The following ZMYM6 variants were observed in gnomAD, a reference collection of about 807,000 sequenced individuals.
The protein encoded by ZMYM6 is zinc finger MYM-type containing 6.
Under a neutral mutation model 134.0 loss-of-function variants are expected in ZMYM6, and 90 were observed. The observed-to-expected ratio is 0.67, with a 90% CI of 0.57 to 0.80. ZMYM6 has a LOEUF of 0.80. Ranked by LOEUF, ZMYM6 falls within the 30% of genes least tolerant of loss-of-function variation. ZMYM6 has a pLI of 0.00. For synonymous variants in ZMYM6, 481 were observed against 524.1 expected, an observed-to-expected ratio of 0.92 and a Z score of 1.12; for missense variants, 1,362 against 1,533.9, an observed-to-expected ratio of 0.89 and a Z score of 1.87.
chr1:35,019,676 CTCT>C, intron 3 of ZMYM6, 74 bp from the exon 4 acceptor site: 1 of 1,454,552 alleles, frequency 6.9e-7, no homozygotes, highest in Non-Finnish European at 9.1e-7. Context: ...CTCTCTCTCT[CTCT>C]TTTTTCTTTT....
intron 14 of ZMYM6, among the ~76,000 whole-genome samples, chr1:34,993,616 G>A (rs1640724147): frequency 6.6e-6 from 1 of 152,060 alleles, no homozygotes. Flanking sequence ...CAGATTCTGT[G>A]GACAAGGACA....
chr1:34,994,206 A>C (rs192755066), intron 14 of ZMYM6, among the ~76,000 whole-genome samples: 1 of 152,212 alleles, frequency 6.6e-6, no homozygotes, highest in Non-Finnish European at 1.5e-5. Context: ...TGAGCCTTAC[A>C]TTCTAGAGGA....
At chr1:35,000,753 T>C (rs1348821428) in intron 14 of ZMYM6, among the ~76,000 whole-genome samples, 1 of 152,174 alleles carries the variant, frequency 6.6e-6, no homozygotes, top group African/African-American at 2.4e-5. Context: ...AAAGAACACA[T>C]GCTAAACTCA....
intron 2 of ZMYM6, among the ~76,000 whole-genome samples, chr1:35,028,402 C>T (rs1201877804): frequency 1.3e-5 from 2 of 152,008 alleles, no homozygotes; most frequent in African/African-American, 4.8e-5. Context: ...AATTGCTTTG[C>T]TGATACAATA....
Position 34,988,895 on chromosome 1 carries a change from A to G in ZMYM6, c.2187T>C (p.Asp729=). 1 of 1,612,608 alleles carries G rather than the reference A, an allele frequency of 6.2e-7. No homozygotes were observed. Among genetic ancestry groups the G allele is most frequent in the South Asian group, 1.1e-5 (1 of 90,372 alleles). ...ATCTTTTTTTCTTTGAAGGTGGAGA[A>G]TCAAGTTCTGCATCATTTTTTTCAT... ...MPNEKNDAEL[D]SPPSKKKRLG... is the part of the protein sequence containing the mutation. The change falls in exon 16 of 16, where the codon GAT becomes GAC. Residue 729 remains aspartate, a synonymous_variant. Transcript: ENST00000357182.
In ZMYM6 at chr1:34,987,436, T is replaced by A. The variant is rs1640595260; in HGVS notation, c.3646A>T (p.Ile1216Phe). The A allele has an allele frequency of 2.5e-6, 4 of 1,613,976 alleles. No homozygotes were observed. The highest frequency in any genetic ancestry group is 3.4e-6 in the Non-Finnish European group (4 of 1,179,970). The change falls in exon 16 of 16, where the codon ATT becomes TTT. Residue 1216 changes from isoleucine to phenylalanine, a missense_variant. By Grantham distance (21) the Ile-to-Phe change is conservative (BLOSUM62 0). Around this residue, in one of 3 missense-constraint regions of ZMYM6, gnomAD observed 824 missense variants for 940.9 expected, o/e 0.88. Transcript: ENST00000357182. ...QDLRSGNLWI[I>F]HPFMNHQNNN... The stretch of plus-strand genomic sequence containing the variant: ...TTTTGGTGATTCATAAAAGGGTGAA[T>A]TATCCACAAATTTCCTGAACGCAAG...
chr1:34,987,096 G>T lies in ZMYM6; in HGVS notation c.*8C>A. On this transcript the variant is annotated 3_prime_UTR_variant, in exon 16 of 16. Transcript: ENST00000357182. ...TATTGACTTCACTGTTAAGCAATGT[G>T]CATATTGCTACTCTTTCTCCTTCAC... 1 of 1,525,806 alleles carries T rather than the reference G, an allele frequency of 6.6e-7. No individual in the cohort carries two copies. Among genetic ancestry groups the T allele is most frequent in the Non-Finnish European group, 8.8e-7 (1 of 1,136,250 alleles). 94.5% of individuals were successfully genotyped at this position (1,525,806 alleles called of 1,614,324 possible). A position where few individuals can be genotyped will look rare whatever the true frequency, so the allele number is the denominator to read the frequency against.
intron 2 of ZMYM6, among the ~76,000 whole-genome samples, chr1:35,023,653 C>T (rs1641352036): frequency 6.7e-6 from 1 of 148,418 alleles, no homozygotes; most frequent in South Asian, 2.1e-4. Context: ...GACAGAATCT[C>T]GCTCTGTCAC....
chr1:34,992,961 T>C (rs1230834135), intron 14 of ZMYM6, among the ~76,000 whole-genome samples: 1 of 149,304 alleles, frequency 6.7e-6, no homozygotes, highest in East Asian at 1.9e-4. Flanking sequence ...TCTTGCTGAT[T>C]AGGACAACTG....
chr1:34,988,740 T>C lies in ZMYM6; in HGVS notation c.2342A>G (p.Lys781Arg), dbSNP rs1490384942. The C allele has an allele frequency of 8.4e-6, 13 of 1,551,428 alleles. No individual in the cohort carries two copies. Among genetic ancestry groups the C allele is most frequent in the African/African-American group, 1.4e-5 (1 of 73,054 alleles). The change falls in exon 16 of 16, where the codon AAG becomes AGG. Residue 781 changes from lysine to arginine, a missense_variant. Transcript: ENST00000357182. ...CGEILSSENMKPANLSHHLKT... is the reference protein window; with the variant it reads ...CGEILSSENMRPANLSHHLKT... ...CAAATGATGAGAAAGATTTGCTGGC[T>C]TCATGTTTTCACTGGATAAGATCTC...
At chr1:35,027,015 AAGAG>A (rs954613039) in intron 2 of ZMYM6, among the ~76,000 whole-genome samples, 8 of 152,328 alleles carry the variant, frequency 5.3e-5, no homozygotes, top group African/African-American at 7.2e-5. Context: ...AATTAAAAAA[AAGAG>A]AGAGAGAACA....
chr1:34,995,123 A>C (rs949169882), intron 14 of ZMYM6, among the ~76,000 whole-genome samples: 1 of 142,946 alleles, frequency 7.0e-6, no homozygotes, highest in South Asian at 2.1e-4. Context: ...ATATGTATAC[A>C]TATACATATA....
Position 35,014,990 on chromosome 1 carries a change from C to A in ZMYM6, c.601G>T (p.Asp201Tyr), listed in dbSNP as rs761003098. ...TKCSMCQKNA[D>Y]TRFEVKYQNV... ...AATAAAAGTAAAATGTAACTTACAT[C>A]AGCATTCTTCTGACACATACTGCAC... Residue 201 changes from aspartate (D) to tyrosine (Y), a missense_variant and splice_region_variant, in exon 5 of 16, where the codon GAT becomes TAT. Around this residue, in one of 3 missense-constraint regions of ZMYM6, gnomAD observed 503 missense variants for 520.8 expected, o/e 0.97. Coordinates refer to ENST00000357182, the MANE Select transcript of ZMYM6 (RefSeq NM_007167.4). 6.2e-7 allele frequency: 1 copy of A among 1,610,232 alleles called. No individual in the cohort carries two copies. The highest frequency in any genetic ancestry group is 8.5e-7 in the Non-Finnish European group (1 of 1,179,218).
chr1:35,011,875 T>A lies in ZMYM6; in HGVS notation c.1062+15A>T, dbSNP rs377488778. The A allele has an allele frequency of 1.9e-6, 3 of 1,540,874 alleles. No homozygotes were observed. The African/African-American group carries it at 4.1e-5, about 21-fold the overall frequency. ...TAACAGAACCACATGCATAATGTGC[T>A]ACCTTAGATCATACCTGGAAAGCAA... On this transcript the variant is annotated intron_variant, in intron 8 of 15. Transcript: ENST00000357182.
chr1:35,026,994 T>C lies in ZMYM6; in HGVS notation c.93+3553A>G, dbSNP rs1042682718. Among the ~76,000 whole-genome samples the C allele has an allele frequency of 5.9e-5, 9 of 152,062 alleles. No individual in the cohort carries two copies. In the South Asian group the frequency reaches 6.2e-4, roughly 11 times the overall value. On this transcript the variant is annotated intron_variant, in intron 2 of 15. Coordinates refer to ENST00000357182, the MANE Select transcript of ZMYM6 (RefSeq NM_007167.4). Reference sequence around the variant, plus strand: ...CCTGTAGATACCATAATAAAAGTGATTGCACTATACAATTAAAAAAAAGAG... The same window carrying C: ...CCTGTAGATACCATAATAAAAGTGACTGCACTATACAATTAAAAAAAAGAG...
Position 34,988,093 on chromosome 1 carries a change from T to G in ZMYM6, c.2989A>C (p.Ile997Leu). 6.4e-7 allele frequency: 1 copy of G among 1,551,486 alleles called. No individual in the cohort carries two copies. Among genetic ancestry groups the G allele is most frequent in the Non-Finnish European group, 8.7e-7 (1 of 1,146,990 alleles). The change falls in exon 16 of 16, where the codon ATT (isoleucine) becomes CTT (leucine). Residue 997 changes from isoleucine to leucine, a missense_variant. By Grantham distance (5) the Ile-to-Leu change is conservative. This residue lies in a region of ZMYM6 where 824 missense variants were observed against 940.9 expected (regional missense o/e 0.88). Coordinates refer to ENST00000357182, the MANE Select transcript of ZMYM6 (RefSeq NM_007167.4). ...GCTGTATTCATGGCAACTTCTTGAA[T>G]TTTTGCTTTTAAACCAGAATACCTG... ...TGRYSGLKAK[I>L]QEVAMNTAAF...
intron 6 of ZMYM6, chr1:35,013,433 TA>T: frequency 1.0e-6 from 1 of 984,450 alleles, no homozygotes; most frequent in Non-Finnish European, 1.2e-6. Context: ...ATCTTCCTAG[TA>T]AAAAGACAGA....
At chr1:34,993,741 T>C (rs1235111631) in intron 14 of ZMYM6, among the ~76,000 whole-genome samples, 2 of 152,038 alleles carry the variant, frequency 1.3e-5, no homozygotes, top group East Asian at 3.9e-4. Flanking sequence ...TGGAATGCAG[T>C]GGCATGATCT....
intron 14 of ZMYM6, among the ~76,000 whole-genome samples, chr1:34,998,191 C>A (rs957160483): frequency 6.6e-6 from 1 of 152,098 alleles, no homozygotes. Flanking sequence ...AGGCAGAGAA[C>A]TGCTTGAACC....
Sources: allele counts gnomAD v4.1 joint callset (sites outside exome capture counted in the v4.1 genomes callset), GRCh38; gene constraint gnomAD v4.1.1; regional missense constraint gnomAD v4.1.1; transcripts MANE v1.5; gene names NCBI Gene and HGNC (gene_info 2026-07-23, HGNC 2026-07-21).